Variants in MTMR3 observed in about 807,000 individuals in gnomAD.
MTMR3 encodes myotubularin related protein 3.
MTMR3 carries 32 observed loss-of-function variants against 132.4 expected under a neutral mutation model. The observed-to-expected ratio is 0.24, with a 90% CI of 0.18 to 0.32. The LOEUF (loss-of-function observed/expected upper bound fraction) is 0.32, where lower values mean the gene tolerates loss of function less well. Among genes scored for constraint, MTMR3 ranks in the 10% least tolerant of loss-of-function variants. The pLI, the probability that MTMR3 is intolerant of heterozygous loss-of-function variation, is 1.00. For synonymous variants in MTMR3, 556 were observed against 550.3 expected (o/e 1.01, Z -0.14); for missense variants, 1,216 against 1,489.6 (o/e 0.82, Z 3.02).
intron 1 of MTMR3, among the ~76,000 whole-genome samples, chr22:29,916,062 T>C (rs1055799904): frequency 6.6e-6 from 1 of 152,260 alleles, no homozygotes; most frequent in Admixed American, 6.5e-5. Context: ...GCTATTGTCA[T>C]ACATTTTACT....
chr22:29,974,483 ATTTG>A (rs1273425468), intron 3 of MTMR3, among the ~76,000 whole-genome samples: 3 of 152,182 alleles, frequency 2.0e-5, no homozygotes, highest in African/African-American at 4.8e-5. Context: ...TAAAAAGAAC[ATTTG>A]TTTGATTATG....
intron 1 of MTMR3, among the ~76,000 whole-genome samples, chr22:29,906,947 G>A (rs2065115757): frequency 6.6e-6 from 1 of 151,782 alleles, no homozygotes. Context: ...GCATGGTGGC[G>A]TGCATCTGTA....
At chr22:30,021,038 TC>T (rs1442301350) in intron 17 of MTMR3, 154 bp downstream of exon 17, 2 of 751,330 alleles carry the variant, frequency 2.7e-6, no homozygotes, top group South Asian at 3.9e-5. Context: ...GAGATGAGCC[TC>T]CACGACAGCG....
chr22:29,885,997 C>T (rs1264656108), intron 1 of MTMR3, among the ~76,000 whole-genome samples: 1 of 152,168 alleles, frequency 6.6e-6, no homozygotes, highest in Non-Finnish European at 1.5e-5. Context: ...TTTAGAGTTG[C>T]ACCCAGCTGT....
In MTMR3 at chr22:30,007,141, C is replaced by T. The variant is rs1457741814; in HGVS notation, c.699C>T (p.Ala233=). 1 of 1,613,934 alleles carries T rather than the reference C, an allele frequency of 6.2e-7. No individual in the cohort carries two copies. Among genetic ancestry groups the T allele is most frequent in the Non-Finnish European group, 8.5e-7 (1 of 1,179,988 alleles). Residue 233 remains alanine (A), a synonymous_variant, in exon 10 of 20, where the codon GCC becomes GCT. Coordinates refer to ENST00000401950, the MANE Select transcript of MTMR3 (RefSeq NM_021090.4). ...YRHQSNGAVI[A]RCGQPEVSWW... ...ACCAGAGCAATGGAGCTGTCATTGC[C>T]CGCTGTGGACAGCCAGAGGTTAGCT...
chr22:29,915,101 G>C (rs1305937939), intron 1 of MTMR3, among the ~76,000 whole-genome samples: 1 of 152,106 alleles, frequency 6.6e-6, no homozygotes, highest in African/African-American at 2.4e-5. Context: ...TCTTTGAAAA[G>C]ACAAATATTT....
chr22:29,947,858 G>A (rs564614451), intron 1 of MTMR3, among the ~76,000 whole-genome samples: 2 of 152,254 alleles, frequency 1.3e-5, no homozygotes, highest in African/African-American at 4.8e-5. Flanking sequence ...CTGGGGGTAT[G>A]TTGAATTGAA....
intron 1 of MTMR3, among the ~76,000 whole-genome samples, chr22:29,884,720 G>A (rs1300193275): frequency 6.6e-6 from 1 of 152,012 alleles, no homozygotes; most frequent in Non-Finnish European, 1.5e-5. Flanking sequence ...GCGCCACCAC[G>A]GCTGGCTAAT....
intron 3 of MTMR3, 95 bp downstream of exon 3, chr22:29,971,157 G>A: frequency 7.7e-7 from 1 of 1,295,308 alleles, no homozygotes; most frequent in East Asian, 2.4e-5. Flanking sequence ...ACCCATTTTT[G>A]TTTTTGTAAG....
intron 1 of MTMR3, among the ~76,000 whole-genome samples, chr22:29,948,065 A>C (rs2065985272): frequency 6.6e-6 from 1 of 152,192 alleles, no homozygotes; most frequent in African/African-American, 2.4e-5. Context: ...CCAGAATACA[A>C]ATTTTAACTA....
At chr22:29,952,834 A>G (rs747687352) in intron 1 of MTMR3, among the ~76,000 whole-genome samples, 1 of 152,342 alleles carries the variant, frequency 6.6e-6, no homozygotes, top group Admixed American at 6.5e-5. Flanking sequence ...GTTAATGCTC[A>G]TGATTAATTT....
intron 16 of MTMR3, chr22:30,018,384 C>T (rs754960841): frequency 7.4e-6 from 2 of 268,756 alleles, no homozygotes; most frequent in East Asian, 7.4e-5. Context: ...GCTCTGTGCT[C>T]CTGCCTATTT....
chr22:30,025,498 A>G (rs561359699), intron 19 of MTMR3, 132 bp from the exon 20 acceptor site: 4 of 887,666 alleles, frequency 4.5e-6, no homozygotes, highest in Non-Finnish European at 7.1e-6. Flanking sequence ...GGCTAGAGAG[A>G]TGAAAGGGTT....
At chr22:30,016,967 C>T (rs2145964593) in intron 15 of MTMR3, 3 of 371,248 alleles carry the variant, frequency 8.1e-6, no homozygotes, top group African/African-American at 6.2e-5. Context: ...TTTTTTGGCA[C>T]TGCCTCCAGA....
At chr22:29,934,355 A>G (rs2065707218) in intron 1 of MTMR3, among the ~76,000 whole-genome samples, 1 of 152,190 alleles carries the variant, frequency 6.6e-6, no homozygotes, top group Admixed American at 6.5e-5. Flanking sequence ...CTCTGTCTCA[A>G]AGAGAAAAAA....
chr22:29,967,562 C>G (rs947610096), intron 2 of MTMR3, among the ~76,000 whole-genome samples: 2 of 150,214 alleles, frequency 1.3e-5, no homozygotes, highest in African/African-American at 4.9e-5. Flanking sequence ...AGCTATAAGT[C>G]ATATCACATA....
chr22:30,012,719 T>C (rs1258989638), intron 13 of MTMR3, 156 bp downstream of exon 13: 1 of 745,648 alleles, frequency 1.3e-6, no homozygotes, highest in Non-Finnish European at 2.1e-6. Context: ...ATTGTGGTGG[T>C]TCCTCCCACA....
rs1425979437 is a variant in MTMR3, at chr22:30,029,635, G to A, written c.*3834G>A. 1.3e-5 allele frequency: 2 copies of A among 152,334 alleles called. No homozygotes were observed. Among genetic ancestry groups the A allele is most frequent in the Non-Finnish European group, 2.9e-5 (2 of 68,034 alleles). The allele number at this position is 152,334 out of a possible 1,614,324, so 9.4% of individuals were successfully genotyped here. ...GCCCTGACCTCTATTGATCTTTTGGGAATGAGGGCTGATTTGAAGGTGCTG... is the reference window on the plus strand; with the variant it reads ...GCCCTGACCTCTATTGATCTTTTGGAAATGAGGGCTGATTTGAAGGTGCTG... On this transcript the variant is annotated 3_prime_UTR_variant, in exon 20 of 20. Coordinates refer to ENST00000401950, the MANE Select transcript of MTMR3 (RefSeq NM_021090.4).
At chr22:29,896,829 T>G (rs924465443) in intron 1 of MTMR3, among the ~76,000 whole-genome samples, 5 of 149,048 alleles carry the variant, frequency 3.4e-5, no homozygotes, top group Admixed American at 2.0e-4. Context: ...ATAATTTTTT[T>G]TTAGTTAAAA....
Sources: gnomAD v4.1 joint callset for allele counts (sites outside exome capture counted in the v4.1 genomes callset) on GRCh38, gnomAD v4.1.1 for gene constraint, MANE v1.5 for transcripts, NCBI Gene and HGNC (gene_info 2026-07-23, HGNC 2026-07-21) for gene names.